The following RUNDC3B variants were observed in gnomAD, a reference collection of about 807,000 sequenced individuals.
RUNDC3B encodes RUN domain containing 3B, also known as RUN domain-containing protein 3B.
Under a neutral mutation model 58.4 loss-of-function variants are expected in RUNDC3B, and 33 were observed. That is an observed-to-expected ratio of 0.56 (90% CI 0.43 to 0.75). RUNDC3B has a LOEUF of 0.75. Ranked by LOEUF, RUNDC3B falls within the 30% of genes least tolerant of loss-of-function variation. RUNDC3B has a pLI of 0.00. For synonymous variants in RUNDC3B, 193 were observed against 195.2 expected, an observed-to-expected ratio of 0.99 and a Z score of 0.10; for missense variants, 501 against 535.7, an observed-to-expected ratio of 0.94 and a Z score of 0.64.
chr7:87,741,126 A>T (rs1297396637), intron 5 of RUNDC3B, among the ~76,000 whole-genome samples: 3 of 151,492 alleles, frequency 2.0e-5, no homozygotes, highest in Non-Finnish European at 4.4e-5. Context: ...AATCGCTGGA[A>T]CCCGGGAGGC....
rs148499259 is a variant in RUNDC3B, at chr7:87,693,984, G to A, written c.239-6437G>A. ...GTACTCTATGCTGGTGATGTCTCCC[G>A]CCACTGAGCTGCACGGGAGCATGGA... On this transcript the variant is annotated intron_variant, in intron 2 of 10. Transcript: ENST00000394654. 1.1e-5 allele frequency: 18 copies of A among 1,610,722 alleles called. No individual in the cohort carries two copies. The Middle Eastern group carries it at 5.0e-4, about 44-fold the overall frequency.
intron 10 of RUNDC3B, among the ~76,000 whole-genome samples, 172 bp downstream of exon 10, chr7:87,816,434 G>C (rs74332929): frequency 1.3e-5 from 2 of 151,844 alleles, no homozygotes; most frequent in East Asian, 3.9e-4. Flanking sequence ...GTGTGTGTGG[G>C]GGGGGCTAAC....
chr7:87,685,509 G>GA (rs5885593), intron 2 of RUNDC3B, among the ~76,000 whole-genome samples: 16,926 of 151,706 alleles, frequency 0.11, 1,220 homozygotes, highest in Admixed American at 0.22. Flanking sequence ...TAATAAAAAG[G>GA]AAAAAAAATT....
rs563805640 is a variant in RUNDC3B at position 87,760,964 on chromosome 7, AAAAAT to A, written c.630-9615_630-9611del. On this transcript the variant is annotated intron_variant, in intron 6 of 10. Transcript: ENST00000394654. The stretch of plus-strand genomic sequence containing the variant: ...CACCAAAAATGTAAATAACAAAAGA[AAAAAT>A]AGATAAATTGGACTTCATCAAAATT... Among the ~76,000 whole-genome samples, 12 of 152,202 alleles carry A rather than the reference AAAAAT, an allele frequency of 7.9e-5. No homozygotes were observed. In the South Asian group the frequency reaches 2.3e-3, roughly 29 times the overall value.
intron 2 of RUNDC3B, among the ~76,000 whole-genome samples, chr7:87,684,746 CAAAAAAA>C (rs71524694): frequency 1.6e-4 from 6 of 37,790 alleles, no homozygotes; most frequent in Admixed American, 8.2e-4. Context: ...GACTCCGTCT[CAAAAAAA>C]AAAAAAAAAA....
chr7:87,669,821 G>A, intron 2 of RUNDC3B, among the ~76,000 whole-genome samples: 1 of 152,126 alleles, frequency 6.6e-6, no homozygotes, highest in East Asian at 1.9e-4. Flanking sequence ...GGCTTGTAGG[G>A]TTTCAGCTGA....
Position 87,741,574 on chromosome 7 carries a change from C to A in RUNDC3B, c.624C>A (p.Ile208=). The change falls in exon 6 of 11, where the codon ATC becomes ATA. Residue 208 remains isoleucine, a synonymous_variant. Transcript: ENST00000394654. ...VIDYTPYLKY[I]QSSDSISSDE... Reference sequence around the variant, plus strand: ...ACTATACACCATATTTGAAGTATATCCAAAGGTATGTGACATTTTGAGATA... The same window carrying A: ...ACTATACACCATATTTGAAGTATATACAAAGGTATGTGACATTTTGAGATA... 2 of 1,536,262 alleles carry A rather than the reference C, an allele frequency of 1.3e-6. No homozygotes were observed. The highest frequency in any genetic ancestry group is 1.8e-6 in the Non-Finnish European group (2 of 1,118,704).
chr7:87,816,439 G>C (rs1837042062), intron 10 of RUNDC3B, among the ~76,000 whole-genome samples, 177 bp downstream of exon 10: 1 of 151,960 alleles, frequency 6.6e-6, no homozygotes, highest in South Asian at 2.1e-4. Context: ...TGTGGGGGGG[G>C]CTAACCTTCT....
At chr7:87,723,961 C>T (rs1831058372) in intron 4 of RUNDC3B, among the ~76,000 whole-genome samples, 1 of 152,174 alleles carries the variant, frequency 6.6e-6, no homozygotes, top group African/African-American at 2.4e-5. Flanking sequence ...GTGGCTCACG[C>T]CTGTAATTCC....
intron 2 of RUNDC3B, among the ~76,000 whole-genome samples, chr7:87,686,125 G>C (rs189822573): frequency 6.6e-6 from 1 of 152,106 alleles, no homozygotes; most frequent in East Asian, 1.9e-4. Context: ...TATACTTTCT[G>C]CTTTTTTTGG....
chr7:87,631,271 C>A (rs1821188391), intron 1 of RUNDC3B, among the ~76,000 whole-genome samples: 1 of 152,142 alleles, frequency 6.6e-6, no homozygotes, highest in Admixed American at 6.5e-5. Context: ...TTAAGTATCC[C>A]CATGACAAAT....
At chr7:87,633,196 G>T (rs1294533886) in intron 1 of RUNDC3B, among the ~76,000 whole-genome samples, 1 of 152,204 alleles carries the variant, frequency 6.6e-6, no homozygotes, top group African/African-American at 2.4e-5. Context: ...TTCATCAACT[G>T]TAGTGCTTTA....
At chr7:87,743,113 CAA>C (rs111300265) in intron 6 of RUNDC3B, among the ~76,000 whole-genome samples, 17 of 110,868 alleles carry the variant, frequency 1.5e-4, no homozygotes, top group East Asian at 2.6e-4. Flanking sequence ...GATTCCGTCT[CAA>C]AAAAAAAAAA....
rs147648794 is a variant in RUNDC3B at position 87,743,481 on chromosome 7, G to C, written c.629+1902G>C. On this transcript the variant is annotated intron_variant, in intron 6 of 10. Coordinates refer to ENST00000394654, the MANE Select transcript of RUNDC3B (RefSeq NM_001134405.2). The stretch of plus-strand genomic sequence containing the variant: ...TGCTGCATCCACACCAACATCTACT[G>C]TTTTTTGATTTTTTTTATTATGGCC... Among the ~76,000 whole-genome samples the C allele has an allele frequency of 1.5e-3, 235 of 152,082 alleles. 1 individual carries two copies. Among genetic ancestry groups the C allele is most frequent in the Admixed American group, 2.4e-3 (37 of 15,274 alleles).
intron 6 of RUNDC3B, among the ~76,000 whole-genome samples, chr7:87,747,812 G>T (rs559750061): frequency 1.4e-4 from 22 of 152,070 alleles, no homozygotes; most frequent in Non-Finnish European, 3.1e-4. Flanking sequence ...CAAACCAAAA[G>T]GCCAGTCTCA....
At chr7:87,794,747 A>G (rs930676512) in intron 8 of RUNDC3B, among the ~76,000 whole-genome samples, 30 of 152,178 alleles carry the variant, frequency 2.0e-4, no homozygotes, top group Non-Finnish European at 3.7e-4. Context: ...CTACAGAGCT[A>G]TCATAACCAA....
intron 8 of RUNDC3B, 129 bp from the exon 9 acceptor site, chr7:87,807,244 T>C: frequency 4.1e-6 from 3 of 725,436 alleles, no homozygotes; most frequent in Non-Finnish European, 6.9e-6. Context: ...CTTGCTGTAG[T>C]TCTGTTCACA....
intron 9 of RUNDC3B, among the ~76,000 whole-genome samples, chr7:87,812,619 GTAAA>G (rs1181786642): frequency 4.6e-5 from 7 of 152,062 alleles, no homozygotes; most frequent in African/African-American, 1.7e-4. Flanking sequence ...AAATAAATAA[GTAAA>G]TAAATAAATA....
chr7:87,779,753 T>A (rs531972821), intron 8 of RUNDC3B, among the ~76,000 whole-genome samples: 1 of 152,230 alleles, frequency 6.6e-6, no homozygotes, highest in Admixed American at 6.6e-5. Flanking sequence ...TAGTACTCAA[T>A]AGGTAGTTTT....
Sources: allele counts gnomAD v4.1 joint callset (sites outside exome capture counted in the v4.1 genomes callset), GRCh38; gene constraint gnomAD v4.1.1; transcripts MANE v1.5; gene names NCBI Gene and HGNC (gene_info 2026-07-23, HGNC 2026-07-21).